ASPH: variants seen among roughly 807,000 people sequenced by gnomAD.
ASPH encodes aspartate beta-hydroxylase, also known as aspartyl/asparaginyl beta-hydroxylase.
ASPH carries 100 observed loss-of-function variants against 118.4 expected under a neutral mutation model. The ratio of observed to expected loss-of-function variants is 0.84; its 90% confidence interval spans 0.72 to 1.00. The LOEUF is 1.00. ASPH is among the 50% of genes least tolerant of loss of function. The probability of loss-of-function intolerance (pLI) is 0.00; values close to 1 mark genes in which losing one functional copy is unlikely to be tolerated. For missense variants in ASPH, 920 were observed against 919.5 expected, an observed-to-expected ratio of 1.00 and a Z score of -0.01; for synonymous variants, 315 against 325.6, an observed-to-expected ratio of 0.97 and a Z score of 0.35.
At chr8:61,514,942 A>G (rs1810319505) in intron 24 of ASPH, among the ~76,000 whole-genome samples, 1 of 146,610 alleles carries the variant, frequency 6.8e-6, no homozygotes, top group Admixed American at 6.8e-5. Context: ...GAAGGCAGGA[A>G]GGCAGGGAGG....
chr8:61,714,285 G>A lies in ASPH; in HGVS notation c.87C>T (p.Ser29=). 1 of 1,519,608 alleles carries A rather than the reference G, an allele frequency of 6.6e-7. No individual in the cohort carries two copies. The highest frequency in any genetic ancestry group is 8.8e-7 in the Non-Finnish European group (1 of 1,135,826). The allele number at this position is 1,519,608 out of a possible 1,614,324, so 94.1% of individuals were successfully genotyped here. Residue 29 remains serine (S), a synonymous_variant, in exon 1 of 25, where the codon AGC becomes AGT. Coordinates refer to ENST00000379454, the MANE Select transcript of ASPH (RefSeq NM_004318.4). ...GCCTCTGACCTCTCCGGGCCCCGGG[G>A]CTGCTGCTGCCCGCACTCGTGCTAC... ...GSGSTSAGSS[S]PGARRETKHG...
At chr8:61,599,268 A>G (rs1230877724) in intron 14 of ASPH, among the ~76,000 whole-genome samples, 1 of 152,198 alleles carries the variant, frequency 6.6e-6, no homozygotes, top group Non-Finnish European at 1.5e-5. Context: ...GGAATTGAAC[A>G]ATGAGAACAC....
At chr8:61,510,009 C>G (rs1025862871) in intron 24 of ASPH, among the ~76,000 whole-genome samples, 2 of 152,156 alleles carry the variant, frequency 1.3e-5, no homozygotes, top group Admixed American at 6.5e-5. Flanking sequence ...CTGTAAGCAC[C>G]ACCTCCAGTG....
chr8:61,537,178 G>C (rs1350639419), intron 21 of ASPH, among the ~76,000 whole-genome samples: 1 of 152,184 alleles, frequency 6.6e-6, no homozygotes, highest in African/African-American at 2.4e-5. Context: ...GTCAGAGAAG[G>C]TAAAGGGAAG....
intron 24 of ASPH, among the ~76,000 whole-genome samples, chr8:61,506,117 C>T (rs1206971753): frequency 6.6e-6 from 1 of 152,170 alleles, no homozygotes; most frequent in Non-Finnish European, 1.5e-5. Context: ...GTGGTATACA[C>T]ATACAATGGA....
intron 16 of ASPH, among the ~76,000 whole-genome samples, chr8:61,572,375 C>T (rs1384240095): frequency 6.6e-6 from 1 of 152,208 alleles, no homozygotes; most frequent in Non-Finnish European, 1.5e-5. Context: ...GCTTTTCCTC[C>T]AAGTTCCAGG....
chr8:61,548,966 C>T (rs1806389109), intron 20 of ASPH, among the ~76,000 whole-genome samples: 1 of 152,164 alleles, frequency 6.6e-6, no homozygotes, highest in Admixed American at 6.5e-5. Flanking sequence ...AAATGATGCC[C>T]TCACCATATG....
intron 13 of ASPH, among the ~76,000 whole-genome samples, chr8:61,627,874 A>G (rs1853629050): frequency 6.6e-6 from 1 of 152,058 alleles, no homozygotes; most frequent in Admixed American, 6.5e-5. Context: ...CTCTATCTCC[A>G]TTAACATTCT....
intron 13 of ASPH, chr8:61,625,665 T>C: frequency 1.0e-6 from 1 of 983,950 alleles, no homozygotes; most frequent in Non-Finnish European, 1.2e-6. Context: ...ATTAATCAGC[T>C]AAAAGCTACA....
intron 20 of ASPH, among the ~76,000 whole-genome samples, chr8:61,552,341 C>T (rs1271362986): frequency 1.3e-5 from 2 of 152,166 alleles, no homozygotes; most frequent in African/African-American, 4.8e-5. Flanking sequence ...ATTAATGAGA[C>T]AATGTTATGG....
At chr8:61,517,927 G>A in intron 23 of ASPH, 105 bp downstream of exon 23, 1 of 1,227,828 alleles carries the variant, frequency 8.1e-7, no homozygotes, top group East Asian at 2.4e-5. Context: ...CATGTAAAAA[G>A]AGGCATTCAT....
intron 13 of ASPH, among the ~76,000 whole-genome samples, chr8:61,628,702 TGAAG>T (rs1337828273): frequency 1.1e-4 from 16 of 152,176 alleles, no homozygotes; most frequent in Non-Finnish European, 2.2e-4. Flanking sequence ...CCCACCCCTC[TGAAG>T]CTGGGTGAGT....
intron 3 of ASPH, chr8:61,658,494 C>G (rs896694649): frequency 2.0e-5 from 3 of 152,158 alleles, no homozygotes; most frequent in Non-Finnish European, 2.9e-5. Context: ...TAAGTTCAGG[C>G]ACCTGGGACA....
chr8:61,612,979 AG>A lies in ASPH; in HGVS notation c.976+5998del, dbSNP rs554417397. On this transcript the variant is annotated intron_variant, in intron 14 of 24. Coordinates refer to ENST00000379454, the MANE Select transcript of ASPH (RefSeq NM_004318.4). ...ATCTTATAATATCACTATCAGATGA[AG>A]GGGCAAGAATGAAAGGGAAGGGGGT... Among the ~76,000 whole-genome samples the A allele has an allele frequency of 5.9e-4, 90 of 152,332 alleles. 1 individual carries two copies. Among genetic ancestry groups the A allele is most frequent in the South Asian group, 2.5e-3 (12 of 4,834 alleles).
intron 21 of ASPH, among the ~76,000 whole-genome samples, chr8:61,547,793 A>G (rs939877377): frequency 1.3e-5 from 2 of 152,104 alleles, no homozygotes; most frequent in African/African-American, 4.8e-5. Context: ...GGTAGATGTA[A>G]GCCACATTCC....
At position 61,638,334 on chromosome 8, in the gene ASPH, T is replaced by C. The variant is rs751530262; in HGVS notation, c.820A>G (p.Ile274Val). ...AGAAAAAACTTACCTGTGATTTCTATCCCTTCATTTTCTAGAGGTTCATAT... is the reference window on the plus strand; with the variant it reads ...AGAAAAAACTTACCTGTGATTTCTACCCCTTCATTTTCTAGAGGTTCATAT... ...AVYEPLENEG[I>V]EITEVTAPPE... The change falls in exon 11 of 25, where the codon ATA (isoleucine) becomes GTA (valine). Residue 274 changes from isoleucine to valine, a missense_variant. Transcript: ENST00000379454. The C allele has an allele frequency of 1.9e-6, 3 of 1,596,254 alleles. No homozygotes were observed. The highest frequency in any genetic ancestry group is 2.6e-6 in the Non-Finnish European group (3 of 1,174,582).
chr8:61,506,733 CAG>C lies in ASPH; in HGVS notation c.2127-3226_2127-3225del, dbSNP rs568262073. Reference sequence around the variant, plus strand: ...GCAATAGTAGATATTCAATTAATGACAGAAAAATGAAAATATAAAGAAAAATA... The same window carrying C: ...GCAATAGTAGATATTCAATTAATGACAAAAATGAAAATATAAAGAAAAATA... On this transcript the variant is annotated intron_variant, in intron 24 of 24. Transcript: ENST00000379454. Among the ~76,000 whole-genome samples the C allele has an allele frequency of 9.9e-5, 15 of 151,944 alleles. No individual in the cohort carries two copies. In the South Asian group the frequency reaches 3.1e-3, roughly 32 times the overall value.
At chr8:61,518,859 A>G (rs1470713048) in intron 22 of ASPH, among the ~76,000 whole-genome samples, 2 of 152,186 alleles carry the variant, frequency 1.3e-5, no homozygotes, top group African/African-American at 2.4e-5. Flanking sequence ...TGCTCTTTGT[A>G]TAGGTCCCAT....
At chr8:61,631,055 T>C (rs72659021) in intron 13 of ASPH, among the ~76,000 whole-genome samples, 6,435 of 152,248 alleles carry the variant, frequency 0.042, 183 homozygotes, top group Middle Eastern at 0.099. Context: ...AAAATAAAAA[T>C]GCTTATAAAA....
Sources: allele counts gnomAD v4.1 joint callset (sites outside exome capture counted in the v4.1 genomes callset), GRCh38; gene constraint gnomAD v4.1.1; transcripts MANE v1.5; gene names NCBI Gene and HGNC (gene_info 2026-07-23, HGNC 2026-07-21).